RIC1: variants seen among roughly 807,000 people sequenced by gnomAD.
RIC1 encodes RIC1 partner of RAB6A GEF complex.
RIC1 carries 88 observed loss-of-function variants against 169.0 expected under a neutral mutation model. The observed-to-expected ratio is 0.52, with a 90% CI of 0.44 to 0.62. The LOEUF (loss-of-function observed/expected upper bound fraction) is 0.62. RIC1 is among the 20% of genes least tolerant of loss of function. The pLI is 0.00. For missense variants in RIC1, 1,877 were observed against 1,725.5 expected, an observed-to-expected ratio of 1.09 and a Z score of -1.56; for synonymous variants, 790 against 601.5, an observed-to-expected ratio of 1.31 and a Z score of -4.59.
intron 16 of RIC1, among the ~76,000 whole-genome samples, chr9:5,756,695 A>G (rs931318245): frequency 6.6e-6 from 1 of 152,106 alleles, no homozygotes; most frequent in Non-Finnish European, 1.5e-5. Flanking sequence ...TGCTCTCGAT[A>G]CTTGGTGGGA....
At chr9:5,635,695 G>C (rs901808815) in intron 1 of RIC1, among the ~76,000 whole-genome samples, 1 of 152,198 alleles carries the variant, frequency 6.6e-6, no homozygotes, top group Admixed American at 6.5e-5. Flanking sequence ...GCAGGACCTG[G>C]TAGGGGGTCA....
intron 1 of RIC1, among the ~76,000 whole-genome samples, chr9:5,643,341 A>G (rs569685049): frequency 9.2e-5 from 14 of 152,234 alleles, no homozygotes; most frequent in Admixed American, 9.2e-4. Context: ...ATGTCAATAT[A>G]AACACATACT....
chr9:5,744,851 T>A (rs1036469882), intron 10 of RIC1, among the ~76,000 whole-genome samples: 1 of 152,190 alleles, frequency 6.6e-6, no homozygotes, highest in Non-Finnish European at 1.5e-5. Context: ...AAGTTTTTCT[T>A]GCTATAGCCC....
intron 2 of RIC1, among the ~76,000 whole-genome samples, chr9:5,672,481 G>C (rs1408169746): frequency 2.0e-5 from 3 of 152,160 alleles, no homozygotes; most frequent in Non-Finnish European, 4.4e-5. Flanking sequence ...CCCCTTGTGA[G>C]AGCTGAATCT....
intron 2 of RIC1, among the ~76,000 whole-genome samples, chr9:5,665,107 C>T (rs763421350): frequency 4.6e-5 from 7 of 151,904 alleles, no homozygotes; most frequent in Non-Finnish European, 5.9e-5. Flanking sequence ...ACATTGGGAG[C>T]GTATATATTG....
At chr9:5,743,152 C>A (rs984694578) in intron 9 of RIC1, 139 bp downstream of exon 9, 2 of 687,290 alleles carry the variant, frequency 2.9e-6, no homozygotes, top group African/African-American at 1.8e-5. Context: ...ATAATCTGTT[C>A]GAATATACTG....
At chr9:5,689,059 T>TG (rs1487218889) in intron 2 of RIC1, among the ~76,000 whole-genome samples, 2 of 144,020 alleles carry the variant, frequency 1.4e-5, no homozygotes, top group African/African-American at 5.1e-5. Flanking sequence ...TTTTTTTTTT[T>TG]TTTTTTTGAG....
rs900677539 is a variant in RIC1, at chr9:5,774,598, C to T, written c.*352C>T. 11 of 176,446 alleles carry T rather than the reference C, an allele frequency of 6.2e-5. No individual in the cohort carries two copies. The highest frequency in any genetic ancestry group is 1.7e-4 in the African/African-American group (7 of 42,330). 10.9% of individuals were successfully genotyped at this position (176,446 alleles called of 1,614,324 possible). ...ACTACTTACATCTTCTCACATTTCC[C>T]GGTTCTGCATTATGTCCAGATTGCT... On this transcript the variant is annotated 3_prime_UTR_variant, in exon 26 of 26. Coordinates refer to ENST00000414202, the MANE Select transcript of RIC1 (RefSeq NM_020829.4).
At chr9:5,728,045 G>A (rs1824111494) in intron 6 of RIC1, among the ~76,000 whole-genome samples, 1 of 152,156 alleles carries the variant, frequency 6.6e-6, no homozygotes, top group Non-Finnish European at 1.5e-5. Flanking sequence ...ACTCCGTGCT[G>A]GGCAAACCAC....
At chr9:5,645,146 T>C (rs1818441292) in intron 1 of RIC1, among the ~76,000 whole-genome samples, 1 of 152,112 alleles carries the variant, frequency 6.6e-6, no homozygotes. Context: ...CTTGAACTCT[T>C]GGGCTCAAGT....
chr9:5,720,100 G>C (rs1411416370), intron 4 of RIC1, 82 bp from the exon 5 acceptor site: 3 of 1,048,692 alleles, frequency 2.9e-6, no homozygotes, highest in Non-Finnish European at 4.2e-6. Context: ...TTTTGCATGA[G>C]TATTCTCTAA....
Position 5,762,662 on chromosome 9 carries a change from T to A in RIC1, c.2112+2T>A. 1 of 1,613,314 alleles carries A rather than the reference T, an allele frequency of 6.2e-7. No individual in the cohort carries two copies. Among genetic ancestry groups the A allele is most frequent in the Non-Finnish European group, 8.5e-7 (1 of 1,179,576 alleles). ...AACCCTAATAACCAAAGGAAACTTG[T>A]GAGTAAAGTACTAGTCATTTCTTTT... On this transcript the variant is annotated splice_donor_variant, in intron 18 of 25. Transcript: ENST00000414202. LOFTEE classifies it high-confidence loss of function.
chr9:5,666,616 T>C (rs1040497252), intron 2 of RIC1, among the ~76,000 whole-genome samples: 7 of 152,226 alleles, frequency 4.6e-5, no homozygotes, highest in African/African-American at 1.7e-4. Context: ...TTTTGTCAAA[T>C]GCTCTCTTTG....
chr9:5,731,494 T>G (rs1352371322), intron 6 of RIC1, among the ~76,000 whole-genome samples: 5 of 152,170 alleles, frequency 3.3e-5, no homozygotes, highest in Admixed American at 2.6e-4. Context: ...ATCTTTAATG[T>G]TTACTATTAG....
intron 2 of RIC1, among the ~76,000 whole-genome samples, chr9:5,674,022 C>T (rs1820285335): frequency 6.6e-6 from 1 of 152,056 alleles, no homozygotes; most frequent in Non-Finnish European, 1.5e-5. Context: ...TCGTCATAAC[C>T]AGTTACATTA....
intron 6 of RIC1, among the ~76,000 whole-genome samples, chr9:5,727,348 A>G (rs1587038958): frequency 1.3e-5 from 2 of 152,192 alleles, no homozygotes; most frequent in African/African-American, 4.8e-5. Context: ...AAGCTTGTGC[A>G]GGCATCACAT....
chr9:5,690,063 T>C (rs1821504301), intron 3 of RIC1, 25 bp downstream of exon 3: 2 of 1,455,638 alleles, frequency 1.4e-6, no homozygotes, highest in Admixed American at 2.0e-5. Context: ...TTTCATTCTT[T>C]TAATATGTGA....
At chr9:5,668,775 G>A (rs903674088) in intron 2 of RIC1, among the ~76,000 whole-genome samples, 1 of 151,720 alleles carries the variant, frequency 6.6e-6, no homozygotes, top group Non-Finnish European at 1.5e-5. Context: ...ATTTTGTTTA[G>A]ACATTGTTTT....
Position 5,655,530 on chromosome 9 carries a change from A to C in RIC1, c.145-1053A>C, listed in dbSNP as rs139315509. Among the ~76,000 whole-genome samples the C allele has an allele frequency of 3.3e-5, 5 of 152,092 alleles. No homozygotes were observed. In the East Asian group the frequency reaches 9.7e-4, roughly 29 times the overall value. Reference sequence around the variant, plus strand: ...TGGCCAGGCTGGTCGCAAACTCCTGACCTCAGGTGATCTGCCAACCTCAGC... The same window carrying C: ...TGGCCAGGCTGGTCGCAAACTCCTGCCCTCAGGTGATCTGCCAACCTCAGC... On this transcript the variant is annotated intron_variant, in intron 1 of 25. Coordinates refer to ENST00000414202, the MANE Select transcript of RIC1 (RefSeq NM_020829.4).
Sources: gnomAD v4.1 joint callset for allele counts (sites outside exome capture counted in the v4.1 genomes callset) on GRCh38, gnomAD v4.1.1 for gene constraint, MANE v1.5 for transcripts, NCBI Gene and HGNC (gene_info 2026-07-23, HGNC 2026-07-21) for gene names.